SGPP2: variants seen among roughly 807,000 people sequenced by gnomAD.
SGPP2 encodes sphingosine-1-phosphate phosphatase 2.
In SGPP2, 30 loss-of-function variants were observed where a neutral mutation model predicts 33.9. The observed-to-expected ratio is 0.89, with a 90% CI of 0.66 to 1.20. SGPP2 has a LOEUF of 1.20. Among genes scored for constraint, SGPP2 ranks in the 50% most tolerant of loss-of-function variants. The pLI is 0.00. For synonymous variants in SGPP2, 233 were observed against 225.0 expected (o/e 1.04, Z -0.32); for missense variants, 458 against 532.1 (o/e 0.86, Z 1.37).
intron 2 of SGPP2, among the ~76,000 whole-genome samples, chr2:222,520,838 C>T (rs7579904): frequency 0.013 from 1,969 of 151,914 alleles, 51 homozygotes; most frequent in African/African-American, 0.045. Flanking sequence ...TTGCTCACTG[C>T]AGCCTTGACT....
intron 1 of SGPP2, among the ~76,000 whole-genome samples, chr2:222,444,269 G>A (rs1326821344): frequency 6.6e-6 from 1 of 152,174 alleles, no homozygotes; most frequent in African/African-American, 2.4e-5. Context: ...TTGCATTGCA[G>A]CATAGGGAAG....
rs896042476 is a variant in SGPP2, at chr2:222,477,625, C to G, written c.378+2899C>G. On this transcript the variant is annotated intron_variant, in intron 2 of 4. Transcript: ENST00000321276. The surrounding 1 kb of genome is among the most constrained non-coding windows in gnomAD (Gnocchi z 6.0). ...TGTGTGTGTGTTCTAAATCCCAAAA[C>G]TTTAATAATTGTTGAGTGGGGCAGA... Among the ~76,000 whole-genome samples, 5 of 151,568 alleles carry G rather than the reference C, an allele frequency of 3.3e-5. No homozygotes were observed. The highest frequency in any genetic ancestry group is 1.2e-4 in the African/African-American group (5 of 41,218).
chr2:222,458,098 C>G (rs933861799), intron 1 of SGPP2, among the ~76,000 whole-genome samples: 2 of 152,140 alleles, frequency 1.3e-5, no homozygotes, highest in African/African-American at 4.8e-5. Flanking sequence ...TGACTCAGCC[C>G]GAAGTGCAGT....
intron 1 of SGPP2, among the ~76,000 whole-genome samples, chr2:222,466,654 C>T (rs193054602): frequency 6.6e-6 from 1 of 152,222 alleles, no homozygotes; most frequent in East Asian, 1.9e-4. Flanking sequence ...GTGCAAAAGC[C>T]CTTCTTAGGG....
At chr2:222,485,011 A>G (rs567575710) in intron 2 of SGPP2, among the ~76,000 whole-genome samples, 1 of 152,202 alleles carries the variant, frequency 6.6e-6, no homozygotes. Context: ...ATGTACAAGT[A>G]CTTTACACTC....
intron 4 of SGPP2, among the ~76,000 whole-genome samples, chr2:222,538,987 C>A (rs982413196): frequency 5.3e-5 from 8 of 152,146 alleles, no homozygotes; most frequent in African/African-American, 1.9e-4. Flanking sequence ...TGGCCCCTCC[C>A]AAATCTCATG....
intron 4 of SGPP2, among the ~76,000 whole-genome samples, chr2:222,547,554 A>G (rs1689222743): frequency 6.6e-6 from 1 of 152,222 alleles, no homozygotes; most frequent in Non-Finnish European, 1.5e-5. Flanking sequence ...AATATATGGT[A>G]TACTCAAATA....
chr2:222,452,941 G>A (rs1256854372), intron 1 of SGPP2: 1 of 1,570,650 alleles, frequency 6.4e-7, no homozygotes, highest in African/African-American at 1.4e-5. Context: ...ATCTGTTGAA[G>A]GCTGAGGTAT....
At chr2:222,471,080 A>G (rs75119013) in intron 1 of SGPP2, among the ~76,000 whole-genome samples, 2,250 of 152,338 alleles carry the variant, frequency 0.015, 22 homozygotes, top group Non-Finnish European at 0.022. Flanking sequence ...GGATGAATGT[A>G]TTGCCATTCT....
At chr2:222,439,556 C>T (rs1451823988) in intron 1 of SGPP2, among the ~76,000 whole-genome samples, 1 of 151,932 alleles carries the variant, frequency 6.6e-6, no homozygotes, top group Non-Finnish European at 1.5e-5. Context: ...ACAACCAAAA[C>T]GTTCCTCAGG....
chr2:222,502,401 A>G (rs1698381121), intron 2 of SGPP2, among the ~76,000 whole-genome samples: 1 of 152,168 alleles, frequency 6.6e-6, no homozygotes, highest in East Asian at 1.9e-4. Flanking sequence ...CCTTATTCAA[A>G]ATGTTTGGGA....
chr2:222,438,724 G>T (rs545759566), intron 1 of SGPP2, among the ~76,000 whole-genome samples: 9 of 152,234 alleles, frequency 5.9e-5, no homozygotes, highest in Non-Finnish European at 1.0e-4. Context: ...TTCTGCACAG[G>T]CCAAATGGGA....
chr2:222,492,911 G>A (rs543695529), intron 2 of SGPP2, among the ~76,000 whole-genome samples: 73 of 152,256 alleles, frequency 4.8e-4, no homozygotes, highest in African/African-American at 1.7e-3. Context: ...CAGTTACCAG[G>A]ATGTTCCTCA....
Position 222,521,930 on chromosome 2 carries a change from C to A in SGPP2, c.542C>A (p.Thr181Asn). The A allele has an allele frequency of 1.3e-6, 2 of 1,559,048 alleles. No homozygotes were observed. Among genetic ancestry groups the A allele is most frequent in the South Asian group, 1.2e-5 (1 of 82,578 alleles). ...ATTGCCTTCACCCTCCTTATCTCTA[C>A]TATGGACAGATACCAGGTAAGGTGG... The part of the protein sequence containing the change: ...TAIAFTLLIS[T>N]MDRYQYPFVL... The change falls in exon 3 of 5, where the codon ACT becomes AAT. Residue 181 changes from threonine to asparagine, a missense_variant. Transcript: ENST00000321276.
chr2:222,484,362 C>A (rs927561244), intron 2 of SGPP2, among the ~76,000 whole-genome samples: 2 of 152,134 alleles, frequency 1.3e-5, no homozygotes, highest in South Asian at 4.1e-4. Flanking sequence ...GTTCCCCTCA[C>A]CCCCAGGATC....
chr2:222,474,175 C>T (rs1697893675), intron 1 of SGPP2, among the ~76,000 whole-genome samples: 1 of 152,102 alleles, frequency 6.6e-6, no homozygotes. Flanking sequence ...GTAATATATT[C>T]AGTTCTAGGA....
rs148635987 is a variant in SGPP2 at position 222,461,407 on chromosome 2, T to C, written c.220-13161T>C. Among the ~76,000 whole-genome samples the C allele has an allele frequency of 3.2e-4, 49 of 152,226 alleles. No individual in the cohort carries two copies. The East Asian group carries it at 9.3e-3, about 29-fold the overall frequency. The stretch of plus-strand genomic sequence containing the variant: ...AGCCTTTTTGGCATCAGAGACCAGT[T>C]TCATGGAAGACGATTTTCCCACGGA... On this transcript the variant is annotated intron_variant, in intron 1 of 4. Transcript: ENST00000321276.
intron 4 of SGPP2, among the ~76,000 whole-genome samples, chr2:222,542,650 A>G (rs993204810): frequency 6.6e-6 from 1 of 152,032 alleles, no homozygotes; most frequent in Admixed American, 6.5e-5. Flanking sequence ...TAATAATGAC[A>G]TTTAGCTTCA....
chr2:222,498,376 T>C (rs1281762111), intron 2 of SGPP2: 1 of 152,182 alleles, frequency 6.6e-6, no homozygotes, highest in Admixed American at 6.5e-5. Flanking sequence ...GACATGTCAA[T>C]TCATGGAGCA....
Sources: allele counts gnomAD v4.1 joint callset (sites outside exome capture counted in the v4.1 genomes callset), GRCh38; gene constraint gnomAD v4.1.1; non-coding constraint Gnocchi (gnomAD v3.1); transcripts MANE v1.5; gene names NCBI Gene and HGNC (gene_info 2026-07-23, HGNC 2026-07-21).